NRXN3: variants seen among roughly 807,000 people sequenced by gnomAD.
NRXN3 encodes the protein neurexin 3.
Under a neutral mutation model 137.6 loss-of-function variants are expected in NRXN3, and 32 were observed. The ratio of observed to expected loss-of-function variants is 0.23; its 90% CI spans 0.18 to 0.31. NRXN3 has a LOEUF of 0.31. NRXN3 is among the 10% of genes least tolerant of loss of function. The pLI is 1.00. For missense variants in NRXN3, 1,574 were observed against 2,062.5 expected, an observed-to-expected ratio of 0.76 and a Z score of 4.59; for synonymous variants, 798 against 784.5, an observed-to-expected ratio of 1.02 and a Z score of -0.29.
At chr14:79,519,090 A>G (rs1481780814) in intron 16 of NRXN3, among the ~76,000 whole-genome samples, 1 of 152,156 alleles carries the variant, frequency 6.6e-6, no homozygotes, top group Non-Finnish European at 1.5e-5. Context: ...GGTGACAGAC[A>G]ACTTCCTCCA....
At chr14:79,126,455 G>A (rs1596252237) in intron 15 of NRXN3, among the ~76,000 whole-genome samples, 1 of 151,574 alleles carries the variant, frequency 6.6e-6, no homozygotes. Context: ...ATAGTTTACT[G>A]AGAATGATGA....
intron 15 of NRXN3, among the ~76,000 whole-genome samples, chr14:79,355,383 T>G (rs1046657905): frequency 6.6e-6 from 1 of 152,114 alleles, no homozygotes; most frequent in Non-Finnish European, 1.5e-5. Context: ...ATTGTAACCC[T>G]AGTTAGAGTA....
intron 15 of NRXN3, among the ~76,000 whole-genome samples, chr14:79,177,896 A>G (rs2062507448): frequency 6.6e-6 from 1 of 152,258 alleles, no homozygotes; most frequent in Non-Finnish European, 1.5e-5. Flanking sequence ...AGATCATGAT[A>G]AAAGATAAAG....
chr14:79,099,244 A>G (rs531354969), intron 15 of NRXN3, among the ~76,000 whole-genome samples: 1 of 152,180 alleles, frequency 6.6e-6, no homozygotes, highest in East Asian at 1.9e-4. Context: ...TTTTTTTGAG[A>G]TATTTTTTGA....
intron 15 of NRXN3, among the ~76,000 whole-genome samples, chr14:79,359,395 T>C (rs1403138922): frequency 6.6e-6 from 1 of 152,124 alleles, no homozygotes; most frequent in Non-Finnish European, 1.5e-5. Flanking sequence ...GGAAAGTAGA[T>C]GCAACGCATT....
At chr14:78,873,621 C>T (rs1374483237) in intron 10 of NRXN3, among the ~76,000 whole-genome samples, 1 of 152,122 alleles carries the variant, frequency 6.6e-6, no homozygotes, top group African/African-American at 2.4e-5. Flanking sequence ...TCCTTCAGTT[C>T]CCCACAGGAA....
chr14:78,266,754 T>G (rs1337348717), intron 2 of NRXN3, among the ~76,000 whole-genome samples: 1 of 152,154 alleles, frequency 6.6e-6, no homozygotes, highest in Non-Finnish European at 1.5e-5. Flanking sequence ...AAGATTCTTT[T>G]AGGTCCAGAG....
chr14:79,278,222 A>T (rs982988430), intron 15 of NRXN3, among the ~76,000 whole-genome samples: 1 of 152,130 alleles, frequency 6.6e-6, no homozygotes, highest in Non-Finnish European at 1.5e-5. Context: ...TGCAAATGTA[A>T]TGGGCTTTTT....
intron 15 of NRXN3, among the ~76,000 whole-genome samples, chr14:79,164,381 C>A (rs928984561): frequency 2.0e-5 from 3 of 151,954 alleles, no homozygotes; most frequent in Non-Finnish European, 4.4e-5. Flanking sequence ...TTACATATAT[C>A]CTTCCTTGTT....
In NRXN3 at chr14:79,229,738, T is replaced by C. The variant is rs534267275; in HGVS notation, c.3263-237483T>C. Among the ~76,000 whole-genome samples, 101 of 152,234 alleles carry C rather than the reference T, an allele frequency of 6.6e-4. 1 individual carries two copies. The highest frequency in any genetic ancestry group is 4.7e-4 in the Non-Finnish European group (32 of 68,006). ...GCTCACTTGGATATAATTTGCCAGC[T>C]GTCCGTCTTGTCCTCGTGCGTCTCT... On this transcript the variant is annotated intron_variant, in intron 15 of 20. Transcript: ENST00000335750.
At chr14:79,830,970 A>T (rs2099321455) in intron 20 of NRXN3, among the ~76,000 whole-genome samples, 1 of 152,186 alleles carries the variant, frequency 6.6e-6, no homozygotes, top group South Asian at 2.1e-4. Flanking sequence ...ACTTTTTTAG[A>T]TGACAAGTAT....
chr14:79,332,542 G>T (rs561341865), intron 15 of NRXN3, among the ~76,000 whole-genome samples: 1 of 152,304 alleles, frequency 6.6e-6, no homozygotes, highest in South Asian at 2.1e-4. Flanking sequence ...CAAATAAGTT[G>T]ATTGATCTAT....
intron 15 of NRXN3, among the ~76,000 whole-genome samples, chr14:79,123,625 G>A (rs1425604845): frequency 6.6e-6 from 1 of 152,138 alleles, no homozygotes; most frequent in Non-Finnish European, 1.5e-5. Flanking sequence ...GGAAAGAGAG[G>A]TGTATAAAAT....
In NRXN3 at chr14:79,659,192, GTT is replaced by G. The variant is rs5809949; in HGVS notation, c.3445-4575_3445-4574del. 8.8e-5 allele frequency among the ~76,000 whole-genome samples: 13 copies of G among 148,114 alleles called. 1 individual carries two copies. Among genetic ancestry groups the G allele is most frequent in the East Asian group, 2.0e-4 (1 of 5,010 alleles). On this transcript the variant is annotated intron_variant, in intron 16 of 20. Transcript: ENST00000335750. ...AGACAGCTGGTTTCTGTGCTGTTCA[GTT>G]TTTTTTTTTTCCTGAATGCACTTGA...
At chr14:79,258,095 T>C (rs1465433249) in intron 15 of NRXN3, among the ~76,000 whole-genome samples, 3 of 152,182 alleles carry the variant, frequency 2.0e-5, no homozygotes, top group Non-Finnish European at 4.4e-5. Context: ...GATTAGAGTC[T>C]TCAGAATTTC....
chr14:78,197,310 A>G (rs1448965418), intron 1 of NRXN3, among the ~76,000 whole-genome samples: 1 of 152,192 alleles, frequency 6.6e-6, no homozygotes, highest in African/African-American at 2.4e-5. Context: ...GCTTGGCTGC[A>G]TGCCAGCATT....
intron 4 of NRXN3, among the ~76,000 whole-genome samples, chr14:78,545,423 TC>T (rs2096628511): frequency 6.6e-6 from 1 of 152,204 alleles, no homozygotes; most frequent in Non-Finnish European, 1.5e-5. Context: ...TCCCCTCTTC[TC>T]CTTTTTGTCC....
intron 15 of NRXN3, among the ~76,000 whole-genome samples, chr14:79,359,007 A>T (rs2093590110): frequency 1.3e-5 from 2 of 152,250 alleles, no homozygotes; most frequent in African/African-American, 4.8e-5. Context: ...TGTATATTTA[A>T]TATACCACCT....
At chr14:79,150,832 C>G (rs34754348) in intron 15 of NRXN3, among the ~76,000 whole-genome samples, 31,742 of 151,874 alleles carry the variant, frequency 0.21, 4,372 homozygotes, top group East Asian at 0.27. Flanking sequence ...GATTTGAAAC[C>G]AATGGTCACT....
Sources: allele counts gnomAD v4.1 joint callset (sites outside exome capture counted in the v4.1 genomes callset), GRCh38; gene constraint gnomAD v4.1.1; transcripts MANE v1.5; gene names NCBI Gene and HGNC (gene_info 2026-07-23, HGNC 2026-07-21).